The following FRY variants were observed in gnomAD, a reference collection of about 807,000 sequenced individuals.
FRY encodes protein furry homolog.
A neutral mutation model predicts 348.4 loss-of-function variants in FRY; 128 were observed. The observed-to-expected ratio is 0.37, with a 90% CI of 0.32 to 0.43. The LOEUF (loss-of-function observed/expected upper bound fraction) is 0.43. Among genes scored for constraint, FRY ranks in the 20% least tolerant of loss-of-function variants. FRY has a pLI of 1.00. For synonymous variants in FRY, 1,370 were observed against 1,374.7 expected (o/e 1.00, Z 0.08); for missense variants, 2,736 against 3,695.2 (o/e 0.74, Z 6.73).
chr13:32,275,206 G>A (rs544990013), intron 56 of FRY: 136 of 352,580 alleles, frequency 3.9e-4, no homozygotes, highest in African/African-American at 2.3e-3. Context: ...GTGAAACCCC[G>A]TATCTATTAA....
intron 2 of FRY, among the ~76,000 whole-genome samples, chr13:32,079,754 G>A (rs925601552): frequency 3.9e-5 from 6 of 152,154 alleles, no homozygotes; most frequent in Non-Finnish European, 5.9e-5. Flanking sequence ...AGCGCAATTG[G>A]TAGATTCAGA....
At position 32,276,523 on chromosome 13, in the gene FRY, T is replaced by C; in HGVS notation, c.8346T>C (p.Tyr2782=). The part of the protein sequence containing the change: ...LKFSVLELQE[Y]LDTYNNRKEA... ...TCAGTGTGTTAGAACTGCAAGAATA[T>C]TTGGATACCTACAACAACAGGAAAG... The change falls in exon 57 of 61, where the codon TAT becomes TAC. Residue 2782 remains tyrosine, a synonymous_variant. Transcript: ENST00000542859. The C allele has an allele frequency of 1.2e-6, 2 of 1,603,932 alleles. No individual in the cohort carries two copies. The highest frequency in any genetic ancestry group is 1.7e-6 in the Non-Finnish European group (2 of 1,170,700).
At chr13:32,105,379 C>T (rs908439223) in intron 3 of FRY, among the ~76,000 whole-genome samples, 5 of 152,170 alleles carry the variant, frequency 3.3e-5, no homozygotes, top group Admixed American at 2.6e-4. Flanking sequence ...CTTGGACTTC[C>T]CAGCCTCCAG....
intron 2 of FRY, among the ~76,000 whole-genome samples, chr13:32,096,923 A>T (rs1301578138): frequency 7.0e-6 from 1 of 143,186 alleles, no homozygotes; most frequent in Non-Finnish European, 1.5e-5. Context: ...AATGGACTTG[A>T]CTTTTATGTA....
intron 18 of FRY, among the ~76,000 whole-genome samples, 168 bp downstream of exon 18, chr13:32,171,438 G>A (rs1882063520): frequency 1.4e-5 from 2 of 147,884 alleles, no homozygotes; most frequent in Non-Finnish European, 3.0e-5. Context: ...AGCCTCCCGA[G>A]TAGCTGGGAT....
chr13:32,202,269 C>T (rs113076316), intron 30 of FRY, 87 bp from the exon 31 acceptor site: 34 of 1,070,076 alleles, frequency 3.2e-5, no homozygotes, highest in Non-Finnish European at 4.2e-5. Context: ...AATTTTGTTA[C>T]TTCTAACCTT....
At chr13:32,053,157 A>G (rs918022547) in intron 1 of FRY, among the ~76,000 whole-genome samples, 1 of 152,206 alleles carries the variant, frequency 6.6e-6, no homozygotes, top group Admixed American at 6.5e-5. Context: ...ACCACATTTC[A>G]AGGGCTAAGC....
At chr13:32,118,936 A>C (rs1878476601) in intron 4 of FRY, among the ~76,000 whole-genome samples, 1 of 152,192 alleles carries the variant, frequency 6.6e-6, no homozygotes, top group Admixed American at 6.5e-5. Flanking sequence ...GACAGTTTTT[A>C]GTGAGTTGAA....
chr13:32,156,108 C>T (rs746176498), intron 15 of FRY, among the ~76,000 whole-genome samples: 1 of 152,174 alleles, frequency 6.6e-6, no homozygotes, highest in Non-Finnish European at 1.5e-5. Context: ...ATTTAGACTA[C>T]ATGAGATGAT....
At chr13:32,192,362 GAGTGC>G (rs1394231716) in intron 28 of FRY, among the ~76,000 whole-genome samples, 3 of 152,034 alleles carry the variant, frequency 2.0e-5, no homozygotes, top group Non-Finnish European at 4.4e-5. Flanking sequence ...GCAGTGGCTG[GAGTGC>G]AGTGGCGCGA....
intron 16 of FRY, among the ~76,000 whole-genome samples, chr13:32,158,144 A>AT (rs543184123): frequency 1.5e-4 from 23 of 151,528 alleles, no homozygotes; most frequent in East Asian, 7.7e-4. Context: ...TGTGGTGTGC[A>AT]TTTTTTTTTG....
intron 58 of FRY, among the ~76,000 whole-genome samples, chr13:32,284,221 C>G (rs1011852979): frequency 6.6e-6 from 1 of 152,180 alleles, no homozygotes. Context: ...TTATATTTAG[C>G]CCTACTACAT....
Position 32,208,882 on chromosome 13 carries a change from C to T in FRY, c.4048C>T (p.Pro1350Ser), listed in dbSNP as rs1294406858. 1 of 1,614,146 alleles carries T rather than the reference C, an allele frequency of 6.2e-7. No homozygotes were observed. Among genetic ancestry groups the T allele is most frequent in the Non-Finnish European group, 8.5e-7 (1 of 1,180,002 alleles). Residue 1350 changes from proline (P) to serine (S), a missense_variant, in exon 32 of 61, where the codon CCC becomes TCC. By Grantham distance (74) the Pro-to-Ser change is moderately conservative. Around this residue, in one of 9 missense-constraint regions of FRY, gnomAD observed 794 missense variants for 977.0 expected, o/e 0.81. Transcript: ENST00000542859. ...EVSQRFPTTH[P>S]NGRQIMLTYL... ...AAGCCAGCGATTCCCCACAACACAC[C>T]CCAACGGGCGCCAGATCATGCTTAC...
At chr13:32,059,568 G>A (rs966337150) in intron 1 of FRY, among the ~76,000 whole-genome samples, 2 of 151,560 alleles carry the variant, frequency 1.3e-5, no homozygotes, top group East Asian at 3.9e-4. Flanking sequence ...TAGATTTAGG[G>A]GTGCACGTGC....
intron 31 of FRY, among the ~76,000 whole-genome samples, chr13:32,205,532 AG>A (rs1884305134): frequency 6.6e-6 from 1 of 152,232 alleles, no homozygotes; most frequent in African/African-American, 2.4e-5. Flanking sequence ...CATAACGTGC[AG>A]GAACAGGAAA....
In FRY at chr13:32,158,303, TC is replaced by T. The variant is rs201873956; in HGVS notation, c.1784+900del. ...CGTTTCTTGGATCAATGTGATTCCT[TC>T]CAGACCTTTCCTTATGTCAATACAA... On this transcript the variant is annotated intron_variant, in intron 16 of 60. Coordinates refer to ENST00000542859, the MANE Select transcript of FRY (RefSeq NM_023037.3). Among the ~76,000 whole-genome samples the T allele has an allele frequency of 3.7e-3, 562 of 152,340 alleles. 5 individuals carry two copies. Among genetic ancestry groups the T allele is most frequent in the Middle Eastern group, 0.01 (3 of 294 alleles).
At chr13:32,216,532 G>A (rs575700834) in intron 35 of FRY, among the ~76,000 whole-genome samples, 1 of 152,308 alleles carries the variant, frequency 6.6e-6, no homozygotes, top group South Asian at 2.1e-4. Flanking sequence ...TTTAAAACCC[G>A]ACATAGAGCA....
In FRY at chr13:32,228,448, C is replaced by G; in HGVS notation, c.5207-8C>G. 6.2e-7 allele frequency: 1 copy of G among 1,609,946 alleles called. No homozygotes were observed. The highest frequency in any genetic ancestry group is 8.5e-7 in the Non-Finnish European group (1 of 1,177,828). The stretch of plus-strand genomic sequence containing the variant: ...GTACATCCCTCCTTGACCTTCTTCT[C>G]CCACCAGGTGGCTTTGACTTCCTGA... On this transcript the variant is annotated splice_region_variant and splice_polypyrimidine_tract_variant and intron_variant, in intron 39 of 60. Coordinates refer to ENST00000542859, the MANE Select transcript of FRY (RefSeq NM_023037.3).
chr13:32,274,399 A>G (rs1316756199), intron 55 of FRY, among the ~76,000 whole-genome samples: 1 of 152,122 alleles, frequency 6.6e-6, no homozygotes, highest in Non-Finnish European at 1.5e-5. Context: ...AAACATATAC[A>G]ATTTTTATGT....
Sources: allele counts gnomAD v4.1 joint callset (sites outside exome capture counted in the v4.1 genomes callset), GRCh38; gene constraint gnomAD v4.1.1; regional missense constraint gnomAD v4.1.1; transcripts MANE v1.5; gene names NCBI Gene and HGNC (gene_info 2026-07-23, HGNC 2026-07-21).